Variants in BCKDHB observed in about 807,000 individuals in gnomAD.
The protein encoded by BCKDHB is branched chain keto acid dehydrogenase E1 subunit beta, also known as 2-oxoisovalerate dehydrogenase subunit beta, mitochondrial.
BCKDHB carries 41 observed loss-of-function variants against 48.5 expected under a neutral mutation model. The observed-to-expected ratio is 0.85, with a 90% confidence interval of 0.66 to 1.10. BCKDHB has a LOEUF of 1.10. BCKDHB is among the 50% of genes least tolerant of loss of function. BCKDHB has a pLI of 0.00. For synonymous variants in BCKDHB, 201 were observed against 174.8 expected (o/e 1.15, Z -1.18); for missense variants, 496 against 494.2 (o/e 1.00, Z -0.03).
chr6:80,167,508 C>T (rs2127773052), intron 3 of BCKDHB, among the ~76,000 whole-genome samples, 170 bp from the exon 4 acceptor site: 1 of 152,138 alleles, frequency 6.6e-6, no homozygotes, highest in Middle Eastern at 3.4e-3. Context: ...TCCCAAACTG[C>T]TAGGATTACA....
chr6:80,314,179 G>C (rs1202918238), intron 9 of BCKDHB, among the ~76,000 whole-genome samples: 8 of 152,160 alleles, frequency 5.3e-5, no homozygotes, highest in Admixed American at 3.3e-4. Context: ...CAGATTATGT[G>C]ATCCATTTTA....
intron 3 of BCKDHB, among the ~76,000 whole-genome samples, chr6:80,166,378 A>C (rs1051244695): frequency 1.2e-4 from 19 of 152,138 alleles, no homozygotes; most frequent in Non-Finnish European, 2.8e-4. Flanking sequence ...ATTTCTAGCC[A>C]GGCCCGGTAG....
rs145814352 is a variant in BCKDHB at position 80,231,124 on chromosome 6, T to C, written c.951+27912T>C. Among the ~76,000 whole-genome samples, 769 of 152,338 alleles carry C rather than the reference T, an allele frequency of 5.0e-3. 9 individuals are homozygous for C. The highest frequency in any genetic ancestry group is 0.018 in the African/African-American group (743 of 41,580). ...GATAATATATGGCAAGAGTGCTATT[T>C]CAAGTCACTTGGGAAGGATAGTTTA... On this transcript the variant is annotated intron_variant, in intron 8 of 9. Coordinates refer to ENST00000320393, the MANE Select transcript of BCKDHB (RefSeq NM_183050.4).
intron 8 of BCKDHB, among the ~76,000 whole-genome samples, chr6:80,234,098 T>C (rs1161852001): frequency 6.6e-6 from 1 of 152,174 alleles, no homozygotes; most frequent in Non-Finnish European, 1.5e-5. Flanking sequence ...ATGCCACTGC[T>C]GCTGCTCTGA....
intron 1 of BCKDHB, among the ~76,000 whole-genome samples, chr6:80,108,498 T>C (rs1769245904): frequency 6.6e-6 from 1 of 151,110 alleles, no homozygotes; most frequent in Non-Finnish European, 1.5e-5. Flanking sequence ...TATATAAACT[T>C]GTTCTTATTT....
chr6:80,273,403 TGTTA>T (rs890395126), intron 9 of BCKDHB, among the ~76,000 whole-genome samples, 182 bp downstream of exon 9: 3 of 149,000 alleles, frequency 2.0e-5, no homozygotes, highest in East Asian at 3.8e-4. Flanking sequence ...ACTTTCTGTT[TGTTA>T]GTTAATGATC....
intron 6 of BCKDHB, among the ~76,000 whole-genome samples, chr6:80,184,091 T>C (rs1485273235): frequency 2.0e-5 from 3 of 152,204 alleles, no homozygotes; most frequent in African/African-American, 4.8e-5. Flanking sequence ...TTTCAACTTA[T>C]TCATCTGGTA....
intron 6 of BCKDHB, among the ~76,000 whole-genome samples, chr6:80,192,954 G>C (rs1773967140): frequency 6.6e-6 from 1 of 152,016 alleles, no homozygotes; most frequent in Non-Finnish European, 1.5e-5. Context: ...GAGTAGCTGG[G>C]ATTACAGGCA....
At chr6:80,350,656 A>G (rs562312069), downstream of BCKDHB, among the ~76,000 whole-genome samples, 2 of 150,730 alleles carry the variant, frequency 1.3e-5, no homozygotes, top group African/African-American at 2.5e-5. Flanking sequence ...TTGATTTGCT[A>G]AAAGTCCTTT....
chr6:80,399,858 C>G, the BCKDHB span, among the ~76,000 whole-genome samples: 1 of 151,988 alleles, frequency 6.6e-6, no homozygotes, highest in East Asian at 1.9e-4. Flanking sequence ...GTAACCAAAA[C>G]AACATGGTAT....
the BCKDHB span, among the ~76,000 whole-genome samples, chr6:80,359,688 T>G: frequency 6.6e-6 from 1 of 152,168 alleles, no homozygotes; most frequent in Non-Finnish European, 1.5e-5. Context: ...TCTGCCTCCC[T>G]GGTTCAAGTG....
chr6:80,377,561 T>A, the BCKDHB span, among the ~76,000 whole-genome samples: 1 of 152,228 alleles, frequency 6.6e-6, no homozygotes, highest in African/African-American at 2.4e-5. Flanking sequence ...TTCTTTTGCA[T>A]GCAAATATCC....
chr6:80,304,610 G>T (rs562628144), intron 9 of BCKDHB, among the ~76,000 whole-genome samples: 2 of 152,172 alleles, frequency 1.3e-5, no homozygotes, highest in South Asian at 4.1e-4. Context: ...TAAATTTTGT[G>T]TAACTTCAAA....
intron 1 of BCKDHB, among the ~76,000 whole-genome samples, chr6:80,119,359 C>G (rs139267517): frequency 6.6e-6 from 1 of 152,142 alleles, no homozygotes; most frequent in South Asian, 2.1e-4. Context: ...CACTCTGTCA[C>G]GCAGGCTGGA....
At chr6:80,446,500 C>T in the BCKDHB span, among the ~76,000 whole-genome samples, 12 of 152,292 alleles carry the variant, frequency 7.9e-5, no homozygotes, top group South Asian at 2.5e-3. Flanking sequence ...AGTCAGGACT[C>T]AGCTGGGCCC....
intron 8 of BCKDHB, among the ~76,000 whole-genome samples, chr6:80,221,413 T>C (rs1278312909): frequency 2.6e-5 from 4 of 152,218 alleles, no homozygotes; most frequent in Non-Finnish European, 5.9e-5. Context: ...ACTCAGTCTG[T>C]CATCTTGAAC....
Position 80,236,644 on chromosome 6 carries a change from G to A in BCKDHB, c.951+33432G>A, listed in dbSNP as rs1331325916. 2.6e-5 allele frequency among the ~76,000 whole-genome samples: 4 copies of A among 152,244 alleles called. No individual in the cohort carries two copies. The East Asian group carries it at 7.7e-4, about 29-fold the overall frequency. On this transcript the variant is annotated intron_variant, in intron 8 of 9. Transcript: ENST00000320393. ...ATTGAAAATACTGAGTCATTGAGAG[G>A]TTGAGTAACTGGCCCCAAGACACAT...
the BCKDHB span, among the ~76,000 whole-genome samples, chr6:80,428,230 C>A: frequency 6.6e-6 from 1 of 152,172 alleles, no homozygotes; most frequent in African/African-American, 2.4e-5. Context: ...GCATAGTATT[C>A]CATGGTGTAT....
chr6:80,390,811 A>G, the BCKDHB span, among the ~76,000 whole-genome samples: 4 of 152,156 alleles, frequency 2.6e-5, no homozygotes, highest in Non-Finnish European at 5.9e-5. Context: ...AAAGGATACA[A>G]AGTATTAATC....
Sources: gnomAD v4.1 joint callset for allele counts (sites outside exome capture counted in the v4.1 genomes callset) on GRCh38, gnomAD v4.1.1 for gene constraint, MANE v1.5 for transcripts, NCBI Gene and HGNC (gene_info 2026-07-23, HGNC 2026-07-21) for gene names.